Variants in GALNTL6 observed in about 807,000 individuals in gnomAD.
GALNTL6 encodes polypeptide N-acetylgalactosaminyltransferase-like 6.
GALNTL6 carries 46 observed loss-of-function variants against 73.7 expected under a neutral mutation model. The ratio of observed to expected loss-of-function variants is 0.62; its 90% CI spans 0.49 to 0.80. GALNTL6 has a LOEUF of 0.80. GALNTL6 is among the 30% of genes least tolerant of loss of function. The pLI, the probability that GALNTL6 is intolerant of heterozygous loss-of-function variation, is 0.00. For missense variants in GALNTL6, 604 were observed against 755.0 expected, an observed-to-expected ratio of 0.80 and a Z score of 2.34; for synonymous variants, 259 against 263.7, an observed-to-expected ratio of 0.98 and a Z score of 0.17.
At position 172,067,056 on chromosome 4, in the gene GALNTL6, C is replaced by T. The variant is rs1351023447; in HGVS notation, c.139-162600C>T. On this transcript the variant is annotated intron_variant, in intron 2 of 12. Coordinates refer to ENST00000506823, the MANE Select transcript of GALNTL6 (RefSeq NM_001034845.3). ...AGATTTTAACAGTGGTTAATCCCTC[C>T]ACTTTCACCATGGTTCTTATTCCAC... Among the ~76,000 whole-genome samples the T allele has an allele frequency of 2.0e-5, 3 of 151,852 alleles. No homozygotes were observed. The East Asian group carries it at 5.8e-4, about 30-fold the overall frequency.
intron 12 of GALNTL6, 75 bp downstream of exon 12, chr4:173,021,700 C>G: frequency 1.3e-6 from 2 of 1,523,906 alleles, no homozygotes; most frequent in Non-Finnish European, 1.8e-6. Flanking sequence ...TCTTTGAAAA[C>G]ACACCGTTTT....
chr4:172,164,494 G>T (rs1186842012), intron 2 of GALNTL6, among the ~76,000 whole-genome samples: 1 of 151,844 alleles, frequency 6.6e-6, no homozygotes, highest in Non-Finnish European at 1.5e-5. Flanking sequence ...TTTAATTAAA[G>T]ATTTTAATAT....
chr4:171,989,426 T>C (rs1036496021), intron 2 of GALNTL6, among the ~76,000 whole-genome samples: 3 of 152,050 alleles, frequency 2.0e-5, no homozygotes, highest in African/African-American at 4.8e-5. Flanking sequence ...ACAGATGGGA[T>C]ACGGCTTAGG....
chr4:172,777,671 AT>A (rs1739146000), intron 5 of GALNTL6, among the ~76,000 whole-genome samples: 1 of 152,114 alleles, frequency 6.6e-6, no homozygotes, highest in South Asian at 2.1e-4. Context: ...TCTATTTATG[AT>A]TTGATATGGA....
intron 3 of GALNTL6, among the ~76,000 whole-genome samples, chr4:172,257,004 T>C (rs1738102385): frequency 6.6e-6 from 1 of 151,324 alleles, no homozygotes; most frequent in Non-Finnish European, 1.5e-5. Context: ...TGCCAGCTCA[T>C]GTACAATTGG....
At chr4:172,017,904 AGGTT>A (rs1741259912) in intron 2 of GALNTL6, among the ~76,000 whole-genome samples, 2 of 151,854 alleles carry the variant, frequency 1.3e-5, no homozygotes, top group South Asian at 4.1e-4. Flanking sequence ...GCTCTGCTAG[AGGTT>A]GCAGGGGAGT....
Position 172,813,564 on chromosome 4 carries a change from C to T in GALNTL6, c.764C>T (p.Thr255Ile), listed in dbSNP as rs748047494. 6.2e-7 allele frequency: 1 copy of T among 1,608,358 alleles called. No individual in the cohort carries two copies. Among genetic ancestry groups the T allele is most frequent in the South Asian group, 1.1e-5 (1 of 90,632 alleles). Reference sequence around the variant, plus strand: ...GACCAAATTGCACTAAACCACAAAACCATCGTGTGTCCCATGATCGATGTC... The same window carrying T: ...GACCAAATTGCACTAAACCACAAAATCATCGTGTGTCCCATGATCGATGTC... ...LLNQIALNHK[T>I]IVCPMIDVID... is the part of the protein sequence containing the mutation. Residue 255 changes from threonine (T) to isoleucine (I), a missense_variant, in exon 7 of 13, where the codon ACC (threonine) becomes ATC (isoleucine). By Grantham distance (89) the Thr-to-Ile change is moderately conservative. Transcript: ENST00000506823.
chr4:172,951,845 G>A (rs1044473452), intron 9 of GALNTL6, among the ~76,000 whole-genome samples, 192 bp from the exon 10 acceptor site: 1 of 152,220 alleles, frequency 6.6e-6, no homozygotes, highest in Non-Finnish European at 1.5e-5. Context: ...GTAGAAATGT[G>A]TGTGAAGCCA....
At position 172,100,903 on chromosome 4, in the gene GALNTL6, G is replaced by A. The variant is rs551174306; in HGVS notation, c.139-128753G>A. 2.0e-4 allele frequency among the ~76,000 whole-genome samples: 31 copies of A among 152,192 alleles called. No individual in the cohort carries two copies. In the South Asian group the frequency reaches 6.2e-3, roughly 31 times the overall value. ...ATGGAAGTAGGAGGGTGGAAATTCA[G>A]GGCAATTAGAAGATTCATTAAAATC... On this transcript the variant is annotated intron_variant, in intron 2 of 12. Coordinates refer to ENST00000506823, the MANE Select transcript of GALNTL6 (RefSeq NM_001034845.3).
At chr4:172,867,346 G>T (rs1392838402) in intron 7 of GALNTL6, among the ~76,000 whole-genome samples, 1 of 152,224 alleles carries the variant, frequency 6.6e-6, no homozygotes, top group South Asian at 2.1e-4. Flanking sequence ...TAGATGCTAA[G>T]TAGGTGTTTG....
At chr4:172,754,399 C>T (rs1190630987) in intron 5 of GALNTL6, among the ~76,000 whole-genome samples, 1 of 151,990 alleles carries the variant, frequency 6.6e-6, no homozygotes, top group African/African-American at 2.4e-5. Context: ...GGTGAAACCC[C>T]GTCTCTACTA....
chr4:172,963,020 G>T (rs1321896706), intron 10 of GALNTL6, among the ~76,000 whole-genome samples: 3 of 152,052 alleles, frequency 2.0e-5, no homozygotes, highest in Admixed American at 2.0e-4. Context: ...AGGTAAAAAT[G>T]AAAGTCCTTA....
In GALNTL6 at chr4:172,068,960, C is replaced by T. The variant is rs1292831253; in HGVS notation, c.139-160696C>T. On this transcript the variant is annotated intron_variant, in intron 2 of 12. Transcript: ENST00000506823. ...TGTTCATCCATCTCTCTTGGCAGCA[C>T]AAATCAGGGACAAGGAATCCCTCGT... Among the ~76,000 whole-genome samples, 2 of 109,258 alleles carry T rather than the reference C, an allele frequency of 1.8e-5. 1 individual carries two copies. The highest frequency in any genetic ancestry group is 4.1e-5 in the Non-Finnish European group (2 of 49,202). The allele number at this position is 109,258 out of a possible 152,430, so 71.7% of individuals were successfully genotyped here.
intron 5 of GALNTL6, among the ~76,000 whole-genome samples, chr4:172,734,449 T>C (rs1257490331): frequency 6.6e-6 from 1 of 152,064 alleles, no homozygotes; most frequent in Non-Finnish European, 1.5e-5. Flanking sequence ...CTGTTCCAAA[T>C]GGGAGAAATT....
chr4:171,853,152 C>T (rs550125022), intron 2 of GALNTL6, among the ~76,000 whole-genome samples: 4 of 151,888 alleles, frequency 2.6e-5, no homozygotes, highest in Middle Eastern at 3.4e-3. Context: ...CGTGAGCCAC[C>T]GCGCCCAGCC....
intron 9 of GALNTL6, among the ~76,000 whole-genome samples, chr4:172,942,896 A>C (rs555851131): frequency 5.9e-5 from 9 of 152,270 alleles, no homozygotes; most frequent in African/African-American, 2.2e-4. Context: ...TCACTTGGAC[A>C]CAAATGACCT....
intron 2 of GALNTL6, among the ~76,000 whole-genome samples, chr4:171,870,725 T>G (rs1000612867): frequency 6.6e-6 from 1 of 152,068 alleles, no homozygotes; most frequent in African/African-American, 2.4e-5. Context: ...GTAAGACTGG[T>G]GTCCTTATAA....
chr4:172,615,650 C>CT (rs1213655681), intron 5 of GALNTL6, among the ~76,000 whole-genome samples: 2 of 152,116 alleles, frequency 1.3e-5, no homozygotes, highest in African/African-American at 4.8e-5. Flanking sequence ...AATGTGTATA[C>CT]TATAAATCGA....
chr4:172,181,717 C>CTTT (rs751155404), intron 2 of GALNTL6, among the ~76,000 whole-genome samples: 3 of 135,158 alleles, frequency 2.2e-5, no homozygotes, highest in Non-Finnish European at 3.2e-5. Flanking sequence ...CCCAAATCTT[C>CTTT]TTTTTTTTTT....
Sources: gnomAD v4.1 joint callset for allele counts (sites outside exome capture counted in the v4.1 genomes callset) on GRCh38, gnomAD v4.1.1 for gene constraint, MANE v1.5 for transcripts, NCBI Gene and HGNC (gene_info 2026-07-23, HGNC 2026-07-21) for gene names.